Variants in FBXL13 observed in about 807,000 individuals in gnomAD.
FBXL13 encodes the protein F-box and leucine rich repeat protein 13.
FBXL13 carries 67 observed loss-of-function variants against 83.6 expected under a neutral mutation model. The ratio of observed to expected loss-of-function variants is 0.80; its 90% CI spans 0.66 to 0.98. The LOEUF is 0.98. FBXL13 is among the 50% of genes least tolerant of loss of function. The probability of loss-of-function intolerance (pLI) is 0.00; values close to 1 mark genes in which losing one functional copy is unlikely to be tolerated. For missense variants in FBXL13, 822 were observed against 866.5 expected (o/e 0.95, Z 0.64); for synonymous variants, 272 against 299.5 (o/e 0.91, Z 0.95).
intron 2 of FBXL13, among the ~76,000 whole-genome samples, chr7:103,047,823 T>C (rs969888395): frequency 2.0e-5 from 3 of 152,148 alleles, no homozygotes; most frequent in Non-Finnish European, 4.4e-5. Context: ...GCCTCCCAAG[T>C]AGCTGGGCTT....
chr7:103,074,658 ACCGACGGTCTGTGTC>A, upstream of FBXL13: 1 of 1,279,828 alleles, frequency 7.8e-7, no homozygotes, highest in African/African-American at 1.5e-5. Context: ...CTAACTCCCC[ACCGACGGTCTGTGTC>A]CGCTGCCACG....
intron 16 of FBXL13, chr7:102,857,885 G>T (rs1806259748): frequency 6.6e-6 from 1 of 152,100 alleles, no homozygotes; most frequent in African/African-American, 2.4e-5. Context: ...AGCGATTATG[G>T]AAAACAGCAT....
At chr7:102,990,793 A>G (rs1198858069) in intron 6 of FBXL13, among the ~76,000 whole-genome samples, 2 of 152,206 alleles carry the variant, frequency 1.3e-5, no homozygotes, top group African/African-American at 4.8e-5. Flanking sequence ...GTGAAGGCAT[A>G]TGGCCAGAGA....
chr7:102,910,394 T>C (rs1172753321), intron 11 of FBXL13, among the ~76,000 whole-genome samples: 1 of 152,058 alleles, frequency 6.6e-6, no homozygotes, highest in Non-Finnish European at 1.5e-5. Flanking sequence ...TTCTTTTTTT[T>C]TTCTTTGTGT....
intron 6 of FBXL13, among the ~76,000 whole-genome samples, chr7:102,970,554 A>T (rs912503049): frequency 6.6e-6 from 1 of 152,224 alleles, no homozygotes; most frequent in African/African-American, 2.4e-5. Context: ...CTAAAGAGAC[A>T]GACACAGTCA....
At chr7:103,039,489 C>G (rs752856171) in intron 2 of FBXL13, among the ~76,000 whole-genome samples, 1 of 152,204 alleles carries the variant, frequency 6.6e-6, no homozygotes, top group South Asian at 2.1e-4. Flanking sequence ...CACAAAGATA[C>G]GCCTTGAGAA....
chr7:103,042,464 A>G (rs1436537703), intron 2 of FBXL13, among the ~76,000 whole-genome samples: 1 of 152,194 alleles, frequency 6.6e-6, no homozygotes, highest in Non-Finnish European at 1.5e-5. Context: ...ACAGAATTGG[A>G]AAAAACTACT....
chr7:102,946,295 T>C (rs903165689), intron 8 of FBXL13, among the ~76,000 whole-genome samples: 4 of 152,182 alleles, frequency 2.6e-5, no homozygotes, highest in African/African-American at 4.8e-5. Flanking sequence ...CTTTTATAGG[T>C]GAGGAATCAA....
intron 18 of FBXL13, among the ~76,000 whole-genome samples, chr7:102,831,638 C>T (rs1001427505): frequency 6.6e-6 from 1 of 152,092 alleles, no homozygotes; most frequent in Non-Finnish European, 1.5e-5. Flanking sequence ...CACTCTTAAC[C>T]CAGTTCCAAA....
chr7:102,944,160 CACTGTATTAACTCAATT>C, intron 8 of FBXL13: 1 of 1,452,164 alleles, frequency 6.9e-7, no homozygotes, highest in Non-Finnish European at 9.3e-7. Context: ...ATATGCCATA[CACTGTATTAACTCAATT>C]ACTCAGGCTC....
chr7:102,886,584 T>C (rs1395295177), intron 11 of FBXL13, among the ~76,000 whole-genome samples: 1 of 152,210 alleles, frequency 6.6e-6, no homozygotes, highest in African/African-American at 2.4e-5. Flanking sequence ...ATAACTACAA[T>C]TATATTCATT....
At chr7:103,048,037 T>C (rs1796450138) in intron 2 of FBXL13, among the ~76,000 whole-genome samples, 2 of 152,174 alleles carry the variant, frequency 1.3e-5, no homozygotes, top group Admixed American at 1.3e-4. Context: ...TTCACTAAAA[T>C]ATAACCTGAA....
intron 8 of FBXL13, chr7:102,934,045 G>T (rs370522298): frequency 6.2e-7 from 1 of 1,613,962 alleles, no homozygotes; most frequent in African/African-American, 1.3e-5. Flanking sequence ...GCTCCAACCC[G>T]GTCAAACGCT....
At chr7:103,071,999 A>G (rs1486837072) in intron 1 of FBXL13, among the ~76,000 whole-genome samples, 3 of 151,986 alleles carry the variant, frequency 2.0e-5, no homozygotes, top group Admixed American at 6.6e-5. Context: ...CCTGACCAAC[A>G]TGGTGAAACC....
At chr7:102,955,869 T>G (rs1176951553) in intron 8 of FBXL13, among the ~76,000 whole-genome samples, 1 of 151,796 alleles carries the variant, frequency 6.6e-6, no homozygotes, top group African/African-American at 2.4e-5. Flanking sequence ...AATAACAGGA[T>G]CTGAAATTGA....
intron 16 of FBXL13, among the ~76,000 whole-genome samples, chr7:102,870,943 C>T (rs1189666957): frequency 6.6e-6 from 1 of 152,084 alleles, no homozygotes; most frequent in Non-Finnish European, 1.5e-5. Context: ...CTTTAATTCT[C>T]ATCTTTCTGT....
At chr7:102,853,805 T>G (rs1805622545) in intron 17 of FBXL13, among the ~76,000 whole-genome samples, 2 of 152,010 alleles carry the variant, frequency 1.3e-5, no homozygotes, top group Non-Finnish European at 2.9e-5. Context: ...GAAATGCAAA[T>G]CAAAACCACA....
chr7:102,935,912 G>A (rs895790053), intron 8 of FBXL13, among the ~76,000 whole-genome samples: 13 of 152,290 alleles, frequency 8.5e-5, no homozygotes, highest in Middle Eastern at 6.8e-3. Flanking sequence ...AGAGGAGGCC[G>A]TGGCTCCTCT....
chr7:102,873,393 CTCT>C (rs1326188182), intron 16 of FBXL13, among the ~76,000 whole-genome samples: 1 of 152,216 alleles, frequency 6.6e-6, no homozygotes, highest in Non-Finnish European at 1.5e-5. Context: ...TTCACTCCCT[CTCT>C]TCCTTATCCT....
Sources: gnomAD v4.1 joint callset for allele counts (sites outside exome capture counted in the v4.1 genomes callset) on GRCh38, gnomAD v4.1.1 for gene constraint, MANE v1.5 for transcripts, NCBI Gene and HGNC (gene_info 2026-07-23, HGNC 2026-07-21) for gene names.